Variants in ZC3H12B observed in about 807,000 individuals in gnomAD.
ZC3H12B encodes the protein zinc finger CCCH-type containing 12B, also known as probable ribonuclease ZC3H12B.
ZC3H12B carries 7 observed loss-of-function variants against 43.9 expected under a neutral mutation model. The ratio of observed to expected loss-of-function variants is 0.16; its 90% CI spans 0.09 to 0.30. The LOEUF (loss-of-function observed/expected upper bound fraction) is 0.30, where lower values mean the gene tolerates loss of function less well. ZC3H12B is among the 10% of genes least tolerant of loss of function. ZC3H12B has a pLI of 1.00. For synonymous variants in ZC3H12B, 222 were observed against 241.7 expected (o/e 0.92, Z 0.76); for missense variants, 475 against 670.2 (o/e 0.71, Z 3.22).
chrX:65,058,833 C>G, the ZC3H12B span, among the ~76,000 whole-genome samples: 2,040 of 112,167 alleles, frequency 0.018, 36 homozygotes, highest in Middle Eastern at 0.037. Flanking sequence ...GACTGCTGTG[C>G]TAGCAATGAG....
the ZC3H12B span, among the ~76,000 whole-genome samples, chrX:65,222,712 A>G: frequency 5.5e-5 from 6 of 109,812 alleles, no homozygotes; most frequent in Admixed American, 5.9e-4. Context: ...AAAACTAAAA[A>G]CACTATTGAA....
At chrX:65,113,985 G>GTATATATATA in the ZC3H12B span, among the ~76,000 whole-genome samples, 1,162 of 47,235 alleles carry the variant, frequency 0.025, 127 homozygotes, top group Non-Finnish European at 0.039. Flanking sequence ...AGATATGCTT[G>GTATATATATA]TATATATATA....
At chrX:65,459,643 G>A in intron 3 of ZC3H12B, among the ~76,000 whole-genome samples, 1 of 111,779 alleles carries the variant, frequency 8.9e-6, no homozygotes, top group Non-Finnish European at 1.9e-5. Context: ...AAAGGCCTTT[G>A]ACAAAATTCA....
intron 3 of ZC3H12B, among the ~76,000 whole-genome samples, chrX:65,419,204 C>T (rs756932173): frequency 3.6e-5 from 4 of 111,979 alleles, no homozygotes; most frequent in East Asian, 2.8e-4. Context: ...GTTCCCTGGC[C>T]TGTGGAATGA....
chrX:65,298,703 G>C, the ZC3H12B span, among the ~76,000 whole-genome samples: 1 of 111,907 alleles, frequency 8.9e-6, no homozygotes, highest in African/African-American at 3.2e-5. Context: ...ACTAAGATTT[G>C]TTGACTGGTG....
the ZC3H12B span, among the ~76,000 whole-genome samples, chrX:65,250,735 C>A: frequency 8.9e-6 from 1 of 111,937 alleles, no homozygotes; most frequent in Admixed American, 9.4e-5. Flanking sequence ...TAAATGTCTT[C>A]TTTTGAGAAG....
chrX:65,242,809 A>T, the ZC3H12B span, among the ~76,000 whole-genome samples: 3 of 112,214 alleles, frequency 2.7e-5, no homozygotes, highest in Admixed American at 9.4e-5. Context: ...GTTTATACAA[A>T]CCCAGAAATA....
intron 3 of ZC3H12B, among the ~76,000 whole-genome samples, chrX:65,462,596 CT>C (rs1321207533): frequency 8.9e-6 from 1 of 111,922 alleles, no homozygotes; most frequent in Non-Finnish European, 1.9e-5. Flanking sequence ...AAAGACATCC[CT>C]GAAGTTGTGT....
the ZC3H12B span, among the ~76,000 whole-genome samples, chrX:65,110,149 G>C: frequency 6.6e-4 from 73 of 109,997 alleles, no homozygotes; most frequent in African/African-American, 1.9e-3. Context: ...TTTCTAATTT[G>C]ATTTATTTTT....
chrX:65,065,090 T>C, the ZC3H12B span, among the ~76,000 whole-genome samples: 1 of 111,382 alleles, frequency 9.0e-6, no homozygotes, highest in South Asian at 3.8e-4. Context: ...TTTGACTCTT[T>C]ATCCAGTTTG....
At chrX:65,185,063 C>G in the ZC3H12B span, 2 of 111,448 alleles carry the variant, frequency 1.8e-5, no homozygotes, top group African/African-American at 6.5e-5. Context: ...CTTCACTGTA[C>G]TAAGATTTTT....
chrX:65,104,615 C>A, the ZC3H12B span, among the ~76,000 whole-genome samples: 1 of 111,721 alleles, frequency 9.0e-6, no homozygotes, highest in African/African-American at 3.3e-5. Flanking sequence ...AAACACTTCT[C>A]AAAAGAAGAC....
At chrX:65,101,167 C>T in the ZC3H12B span, among the ~76,000 whole-genome samples, 14 of 111,522 alleles carry the variant, frequency 1.3e-4, no homozygotes, top group East Asian at 1.7e-3. Context: ...ATGAAATTAA[C>T]GCAGAAATAA....
At chrX:65,405,884 G>A (rs1012552603) in intron 3 of ZC3H12B, among the ~76,000 whole-genome samples, 7 of 111,476 alleles carry the variant, frequency 6.3e-5, no homozygotes, top group Non-Finnish European at 1.1e-4. Flanking sequence ...CAATGAGTTG[G>A]AAAATCTAGA....
rs34975614 is a variant in ZC3H12B at position 65,435,644 on chromosome X, GGATAGATAGATAGATA to G, written n.407+36983_407+36998del. Among the ~76,000 whole-genome samples, 77 of 94,394 alleles carry G rather than the reference GGATAGATAGATAGATA, an allele frequency of 8.2e-4. 1 individual carries two copies. The highest frequency in any genetic ancestry group is 2.1e-3 in the African/African-American group (53 of 25,509). 82.0% of individuals were successfully genotyped at this position (94,394 alleles called of 115,157 possible). On this transcript the variant is annotated intron_variant and non_coding_transcript_variant, in intron 3 of 5. Transcript: ENST00000617377. Reference sequence around the variant, plus strand: ...GTTCTCCAGAGAAACAGAACCAATAGGATAGATAGATAGATAGATAGATAGATAGATAGATAGATAG... The same window carrying G: ...GTTCTCCAGAGAAACAGAACCAATAGGATAGATAGATAGATAGATAGATAG...
chrX:65,181,660 A>G, the ZC3H12B span, among the ~76,000 whole-genome samples: 1 of 112,571 alleles, frequency 8.9e-6, no homozygotes, highest in East Asian at 2.8e-4. Flanking sequence ...AAAGCTCACC[A>G]TCACTGGTCA....
chrX:65,266,271 A>G, the ZC3H12B span, among the ~76,000 whole-genome samples: 1 of 112,041 alleles, frequency 8.9e-6, no homozygotes, highest in African/African-American at 3.2e-5. Flanking sequence ...GATTAGAAAT[A>G]TCCTTGTTAC....
At chrX:65,429,437 G>T (rs1277868472) in intron 3 of ZC3H12B, among the ~76,000 whole-genome samples, 4 of 112,814 alleles carry the variant, frequency 3.5e-5, no homozygotes, top group Non-Finnish European at 1.9e-5. Context: ...TCTGTCTGTA[G>T]AAAACTGGCT....
chrX:65,117,780 G>A, the ZC3H12B span, among the ~76,000 whole-genome samples: 3 of 111,683 alleles, frequency 2.7e-5, no homozygotes, highest in African/African-American at 9.8e-5. Flanking sequence ...TTCTACATAT[G>A]GCTATCCAGT....
Sources: allele counts gnomAD v4.1 joint callset (sites outside exome capture counted in the v4.1 genomes callset), GRCh38; gene constraint gnomAD v4.1.1; transcripts MANE v1.5; gene names NCBI Gene and HGNC (gene_info 2026-07-23, HGNC 2026-07-21).